The following LIMK2 variants were observed in gnomAD, a reference collection of about 807,000 sequenced individuals.
LIMK2 encodes LIM domain kinase 2.
Under a neutral mutation model 75.7 loss-of-function variants are expected in LIMK2, and 35 were observed. The observed-to-expected ratio is 0.46, with a 90% CI of 0.35 to 0.61. LIMK2 has a LOEUF of 0.61. LIMK2 is among the 20% of genes least tolerant of loss of function. The probability of loss-of-function intolerance (pLI) is 0.00; values close to 1 mark genes in which losing one functional copy is unlikely to be tolerated. For missense variants in LIMK2, 623 were observed against 831.0 expected (o/e 0.75, Z 3.08); for synonymous variants, 301 against 319.2 (o/e 0.94, Z 0.61).
intron 2 of LIMK2, among the ~76,000 whole-genome samples, chr22:31,231,795 T>G (rs1314402293): frequency 6.6e-6 from 1 of 152,144 alleles, no homozygotes; most frequent in East Asian, 1.9e-4. Flanking sequence ...GATTATCTGA[T>G]TCAATCTTCA....
intron 5 of LIMK2, among the ~76,000 whole-genome samples, chr22:31,261,695 G>C (rs1000463105): frequency 3.3e-5 from 5 of 152,208 alleles, no homozygotes; most frequent in Non-Finnish European, 7.3e-5. Flanking sequence ...TTGAGCCTGG[G>C]AGGTGGAGGT....
chr22:31,271,032 G>A (rs980356233), intron 11 of LIMK2, 104 bp from the exon 12 acceptor site: 1 of 1,009,500 alleles, frequency 9.9e-7, no homozygotes, highest in Non-Finnish European at 1.6e-6. Context: ...TTCTGAAGCT[G>A]GGTGGGCATG....
intron 2 of LIMK2, 108 bp downstream of exon 2, chr22:31,225,927 T>G (rs937196402): frequency 1.2e-5 from 10 of 851,228 alleles, no homozygotes; most frequent in South Asian, 3.0e-5. Context: ...AATTTCAATC[T>G]TAGGGTGGGG....
chr22:31,276,994 C>G (rs1323133248), intron 15 of LIMK2: 2 of 1,613,946 alleles, frequency 1.2e-6, no homozygotes, highest in South Asian at 2.2e-5. Flanking sequence ...CGTGGATGAG[C>G]TCCTGGACAT....
At chr22:31,276,441 G>T (rs1026972620) in intron 15 of LIMK2, among the ~76,000 whole-genome samples, 15 of 142,020 alleles carry the variant, frequency 1.1e-4, no homozygotes, top group African/African-American at 3.7e-4. Context: ...TTTCCGGATA[G>T]AGAAAGCGCT....
intron 1 of LIMK2, 70 bp from the exon 2 acceptor site, chr22:31,225,650 A>G: frequency 3.6e-6 from 4 of 1,122,760 alleles, no homozygotes; most frequent in Non-Finnish European, 5.3e-6. Context: ...GTCTTATTCT[A>G]CATGGTAGGA....
At chr22:31,227,434 C>T (rs549308008) in intron 2 of LIMK2, among the ~76,000 whole-genome samples, 1 of 152,318 alleles carries the variant, frequency 6.6e-6, no homozygotes, top group African/African-American at 2.4e-5. Flanking sequence ...AGACGTCTGG[C>T]CTCTGGAAGA....
rs1264748302 is a variant in LIMK2 at position 31,266,023 on chromosome 22, G to A, written c.932G>A (p.Arg311His). Residue 311 changes from arginine (R) to histidine (H), a missense_variant, in exon 8 of 16, where the codon CGC (arginine) becomes CAC (histidine). By Grantham distance (29) the Arg-to-His change is conservative. Transcript: ENST00000331728. ...CTGCTGTTCAGCCGTGACATCAGCCGCTCAGAATCCCTTCGTTGTTCCAGC... is the reference window on the plus strand; with the variant it reads ...CTGCTGTTCAGCCGTGACATCAGCCACTCAGAATCCCTTCGTTGTTCCAGC... ...EPLLFSRDIS[R>H]SESLRCSSSY... 14 of 1,613,978 alleles carry A rather than the reference G, an allele frequency of 8.7e-6. No individual in the cohort carries two copies. Among genetic ancestry groups the A allele is most frequent in the Non-Finnish European group, 1.1e-5 (13 of 1,179,996 alleles).
chr22:31,274,155 T>TAGCC (rs2048987537), intron 14 of LIMK2, among the ~76,000 whole-genome samples: 1 of 152,036 alleles, frequency 6.6e-6, no homozygotes, highest in Non-Finnish European at 1.5e-5. Flanking sequence ...GGGCCAAATG[T>TAGCC]AGCCCTTCTC....
intron 15 of LIMK2, chr22:31,277,080 C>G: frequency 6.2e-7 from 1 of 1,613,994 alleles, no homozygotes; most frequent in Non-Finnish European, 8.5e-7. Context: ...AGGCCTTCAT[C>G]TCTGGCCTGC....
chr22:31,270,356 C>T (rs978382892), intron 11 of LIMK2, among the ~76,000 whole-genome samples: 27 of 152,284 alleles, frequency 1.8e-4, no homozygotes, highest in African/African-American at 6.0e-4. Flanking sequence ...TGTGGACAGT[C>T]TTTGAGGAGC....
chr22:31,218,496 T>A (rs2048406164), intron 1 of LIMK2, among the ~76,000 whole-genome samples: 1 of 152,208 alleles, frequency 6.6e-6, no homozygotes. Context: ...ATCCAAGGTT[T>A]AGAGAAGCTC....
intron 2 of LIMK2, among the ~76,000 whole-genome samples, chr22:31,252,880 C>T (rs543822660): frequency 1.3e-5 from 2 of 152,308 alleles, no homozygotes; most frequent in East Asian, 3.9e-4. Context: ...CCTTGGGTGA[C>T]ACAGATGGTA....
chr22:31,232,116 G>A (rs568899592), intron 2 of LIMK2, among the ~76,000 whole-genome samples: 18 of 151,884 alleles, frequency 1.2e-4, no homozygotes, highest in Non-Finnish European at 2.4e-4. Context: ...TGCCTGGCCA[G>A]TGCAACCCCC....
intron 2 of LIMK2, among the ~76,000 whole-genome samples, chr22:31,250,435 C>T (rs369004423): frequency 5.1e-4 from 78 of 152,250 alleles, no homozygotes; most frequent in African/African-American, 1.9e-3. Context: ...AGGGCCAGAC[C>T]ACTAATGCCA....
chr22:31,267,889 G>A lies in LIMK2; in HGVS notation c.1242G>A (p.Lys414=), dbSNP rs114531016. ...LTEYIEGGTL[K]DFLRSMDPFP... ...AGTACATTGAGGGGGGCACACTGAA[G>A]GACTTTCTGCGCAGTATGGTGAGCA... Residue 414 remains lysine, a synonymous_variant, in exon 10 of 16, where the codon AAG becomes AAA. Transcript: ENST00000331728. 5,453 of 1,605,010 alleles carry A rather than the reference G, an allele frequency of 3.4e-3. 189 individuals are homozygous for A. The African/African-American group carries it at 0.065, about 19-fold the overall frequency.
intron 2 of LIMK2, among the ~76,000 whole-genome samples, chr22:31,256,946 A>G (rs1372469141): frequency 6.6e-6 from 1 of 151,472 alleles, no homozygotes; most frequent in Non-Finnish European, 1.5e-5. Flanking sequence ...GAAGGGAGGA[A>G]GAGGTTGTCT....
chr22:31,261,804 G>T (rs1952392874), intron 5 of LIMK2, among the ~76,000 whole-genome samples: 1 of 152,084 alleles, frequency 6.6e-6, no homozygotes, highest in South Asian at 2.1e-4. Context: ...AAAAAAAATA[G>T]AAGCTATTAC....
chr22:31,277,554 T>C (rs1037281933), intron 15 of LIMK2: 17 of 997,972 alleles, frequency 1.7e-5, no homozygotes, highest in Middle Eastern at 5.1e-4. Context: ...TGAGGAGAAA[T>C]TGTGAAGCTA....
Sources: gnomAD v4.1 joint callset for allele counts (sites outside exome capture counted in the v4.1 genomes callset) on GRCh38, gnomAD v4.1.1 for gene constraint, MANE v1.5 for transcripts, NCBI Gene and HGNC (gene_info 2026-07-23, HGNC 2026-07-21) for gene names.